The following HMGCLL1 variants were observed in gnomAD, a reference collection of about 807,000 sequenced individuals.
HMGCLL1 encodes the protein 3-hydroxymethyl-3-methylglutaryl-CoA lyase, cytoplasmic.
A neutral mutation model predicts 39.1 loss-of-function variants in HMGCLL1; 36 were observed. The ratio of observed to expected loss-of-function variants is 0.92; its 90% CI spans 0.71 to 1.22. HMGCLL1 has a LOEUF of 1.22. Among genes scored for constraint, HMGCLL1 ranks in the 50% most tolerant of loss-of-function variants. The pLI, the probability that HMGCLL1 is intolerant of heterozygous loss-of-function variation, is 0.00. For synonymous variants in HMGCLL1, 149 were observed against 144.0 expected, an observed-to-expected ratio of 1.03 and a Z score of -0.25; for missense variants, 451 against 416.5, an observed-to-expected ratio of 1.08 and a Z score of -0.72.
At chr6:55,489,244 C>A (rs575935958) in intron 7 of HMGCLL1, among the ~76,000 whole-genome samples, 1 of 151,908 alleles carries the variant, frequency 6.6e-6, no homozygotes, top group East Asian at 1.9e-4. Context: ...CATGGCGCAA[C>A]AAGAAAATTT....
At chr6:55,626,817 A>T in the HMGCLL1 span, among the ~76,000 whole-genome samples, 1 of 152,066 alleles carries the variant, frequency 6.6e-6, no homozygotes, top group Non-Finnish European at 1.5e-5. Context: ...AGGCTAAGAA[A>T]GGAGTCACAG....
At chr6:55,499,643 A>G (rs115489578) in intron 5 of HMGCLL1, among the ~76,000 whole-genome samples, 2,191 of 152,158 alleles carry the variant, frequency 0.014, 29 homozygotes, top group Non-Finnish European at 0.024. Context: ...AATTACATAC[A>G]CTCAACTGTT....
the HMGCLL1 span, among the ~76,000 whole-genome samples, chr6:55,629,874 T>C: frequency 6.6e-6 from 1 of 152,156 alleles, no homozygotes; most frequent in Non-Finnish European, 1.5e-5. Flanking sequence ...TGCTTAGTTT[T>C]CAGAGGATGT....
At chr6:55,616,742 C>A in the HMGCLL1 span, among the ~76,000 whole-genome samples, 1 of 151,300 alleles carries the variant, frequency 6.6e-6, no homozygotes, top group Admixed American at 6.6e-5. Flanking sequence ...TGACTGAGAA[C>A]AAAACAATTT....
At chr6:55,646,243 C>A in the HMGCLL1 span, among the ~76,000 whole-genome samples, 1 of 151,646 alleles carries the variant, frequency 6.6e-6, no homozygotes, top group Non-Finnish European at 1.5e-5. Context: ...TGTAATGGCT[C>A]CTTTTTCATC....
chr6:55,642,169 T>C, the HMGCLL1 span, among the ~76,000 whole-genome samples: 2 of 142,892 alleles, frequency 1.4e-5, no homozygotes, highest in African/African-American at 5.2e-5. Context: ...TTTGGTTTTT[T>C]GTTCTTGCGA....
the HMGCLL1 span, among the ~76,000 whole-genome samples, chr6:55,612,416 T>C: frequency 1.3e-5 from 2 of 152,066 alleles, no homozygotes; most frequent in African/African-American, 4.8e-5. Flanking sequence ...CAAACTGCCA[T>C]TTACATTCTT....
the HMGCLL1 span, among the ~76,000 whole-genome samples, chr6:55,599,479 A>G: frequency 2.0e-5 from 3 of 152,172 alleles, no homozygotes; most frequent in Admixed American, 1.3e-4. Flanking sequence ...TTATCCTTCC[A>G]TATTGGATAT....
chr6:55,673,605 C>G, the HMGCLL1 span, among the ~76,000 whole-genome samples: 1 of 151,780 alleles, frequency 6.6e-6, no homozygotes, highest in African/African-American at 2.4e-5. Context: ...GGATTAAAAG[C>G]AGTCACGTTA....
intron 1 of HMGCLL1, among the ~76,000 whole-genome samples, chr6:55,546,627 G>T (rs73451113): frequency 0.026 from 3,901 of 152,170 alleles, 167 homozygotes; most frequent in African/African-American, 0.09. Flanking sequence ...GTGAGGCAGG[G>T]ATGGGGAGGG....
intron 7 of HMGCLL1, among the ~76,000 whole-genome samples, chr6:55,487,847 CA>C (rs1766117549): frequency 6.6e-6 from 1 of 151,918 alleles, no homozygotes. Flanking sequence ...AAAATAAAGA[CA>C]AAAACAAGAA....
At chr6:55,569,980 TC>T (rs1217360583) in intron 1 of HMGCLL1, among the ~76,000 whole-genome samples, 18 of 152,144 alleles carry the variant, frequency 1.2e-4, no homozygotes, top group African/African-American at 3.9e-4. Flanking sequence ...GCTAGATTCT[TC>T]ATGCTACAGA....
intron 1 of HMGCLL1, among the ~76,000 whole-genome samples, chr6:55,554,288 T>G (rs1440741281): frequency 1.3e-5 from 2 of 152,144 alleles, no homozygotes; most frequent in Non-Finnish European, 2.9e-5. Flanking sequence ...TTTAATTTCT[T>G]CTTTCACCCC....
the HMGCLL1 span, among the ~76,000 whole-genome samples, chr6:55,586,094 A>C: frequency 6.6e-6 from 1 of 152,122 alleles, no homozygotes; most frequent in Non-Finnish European, 1.5e-5. Flanking sequence ...AATGCTAAAC[A>C]AGGTAGTCAA....
At chr6:55,607,077 C>T in the HMGCLL1 span, among the ~76,000 whole-genome samples, 2 of 152,162 alleles carry the variant, frequency 1.3e-5, no homozygotes, top group African/African-American at 4.8e-5. Flanking sequence ...AGCTAACACT[C>T]TCTGCTTGTC....
intron 7 of HMGCLL1, among the ~76,000 whole-genome samples, chr6:55,484,754 T>G (rs189951456): frequency 5.4e-4 from 82 of 152,270 alleles, no homozygotes; most frequent in African/African-American, 1.8e-3. Flanking sequence ...ACCACATTTA[T>G]GCAAACCATC....
chr6:55,532,994 G>A (rs548900142), intron 3 of HMGCLL1, among the ~76,000 whole-genome samples: 77 of 151,360 alleles, frequency 5.1e-4, no homozygotes, highest in African/African-American at 1.8e-3. Flanking sequence ...TGATTTAATT[G>A]TACAGTGGAA....
the HMGCLL1 span, among the ~76,000 whole-genome samples, chr6:55,625,857 G>A: frequency 6.6e-6 from 1 of 152,128 alleles, no homozygotes; most frequent in Non-Finnish European, 1.5e-5. Flanking sequence ...TCACCAGCGG[G>A]TGACATTAGC....
chr6:55,645,547 C>T, the HMGCLL1 span, among the ~76,000 whole-genome samples: 1 of 151,812 alleles, frequency 6.6e-6, no homozygotes, highest in African/African-American at 2.4e-5. Context: ...GTCAAATATG[C>T]CTTTTACTAT....
Sources: gnomAD v4.1 joint callset for allele counts (sites outside exome capture counted in the v4.1 genomes callset) on GRCh38, gnomAD v4.1.1 for gene constraint, MANE v1.5 for transcripts, NCBI Gene and HGNC (gene_info 2026-07-23, HGNC 2026-07-21) for gene names.